Variants in DENND1A observed in about 807,000 individuals in gnomAD.
DENND1A encodes the protein DENN domain containing 1A, also known as DENN domain-containing protein 1A.
In DENND1A, 51 loss-of-function variants were observed where a neutral mutation model predicts 113.7. The ratio of observed to expected loss-of-function variants is 0.45; its 90% confidence interval spans 0.36 to 0.57. DENND1A has a LOEUF of 0.57. Among genes scored for constraint, DENND1A ranks in the 20% least tolerant of loss-of-function variants. DENND1A has a pLI of 0.00. For missense variants in DENND1A, 1,258 were observed against 1,395.9 expected (o/e 0.90, Z 1.57); for synonymous variants, 565 against 570.8 (o/e 0.99, Z 0.14).
chr9:123,892,066 GCA>G (rs1849992639), intron 1 of DENND1A, among the ~76,000 whole-genome samples: 1 of 152,146 alleles, frequency 6.6e-6, no homozygotes, highest in African/African-American at 2.4e-5. Flanking sequence ...GAAGAGAGCT[GCA>G]CAGAGAAAGA....
In DENND1A at chr9:123,857,895, T is replaced by C. The variant is rs185684036; in HGVS notation, c.88+21056A>G. Among the ~76,000 whole-genome samples the C allele has an allele frequency of 4.7e-3, 710 of 151,726 alleles. 5 individuals are homozygous for C. The highest frequency in any genetic ancestry group is 0.017 in the African/African-American group (686 of 41,418). ...TAACACAGTGAAACCCCATCTCTACTAAAAATACAAAAAATTAGCTGGGCG... is the reference window on the plus strand; with the variant it reads ...TAACACAGTGAAACCCCATCTCTACCAAAAATACAAAAAATTAGCTGGGCG... On this transcript the variant is annotated intron_variant, in intron 2 of 23. Transcript: ENST00000394215.
At position 123,930,112 on chromosome 9, in the gene DENND1A, G is replaced by C. The variant is rs1261507213; in HGVS notation, c.-207C>G. 2 of 193,624 alleles carry C rather than the reference G, an allele frequency of 1.0e-5. No individual in the cohort carries two copies. The highest frequency in any genetic ancestry group is 2.1e-5 in the Non-Finnish European group (2 of 96,452). The allele number at this position is 193,624 out of a possible 1,614,324, so 12.0% of individuals were successfully genotyped here. A position where few individuals can be genotyped will look rare whatever the true frequency, so the allele number is the denominator to read the frequency against. ...TCGCTCCAGCCCGGCGAACGCCATG[G>C]TCGCCGGCGCGCGTGCCCGGCGCGC... On this transcript the variant is annotated 5_prime_UTR_variant, in exon 1 of 24. Transcript: ENST00000394215.
chr9:123,533,244 G>T (rs1482270768), intron 13 of DENND1A, among the ~76,000 whole-genome samples: 1 of 152,252 alleles, frequency 6.6e-6, no homozygotes, highest in East Asian at 1.9e-4. Context: ...AGGTGCTCAA[G>T]ATATGTTTCG....
intron 13 of DENND1A, among the ~76,000 whole-genome samples, chr9:123,556,092 A>AAGTCTCAAAGT (rs1436803725): frequency 6.6e-6 from 1 of 152,190 alleles, no homozygotes; most frequent in African/African-American, 2.4e-5. Flanking sequence ...TGTCACTTTG[A>AAGTCTCAAAGT]GACTAGCAGG....
rs569220767 is a variant in DENND1A at position 123,910,436 on chromosome 9, G to A, written c.17+19453C>T. 2.0e-5 allele frequency among the ~76,000 whole-genome samples: 3 copies of A among 152,290 alleles called. No homozygotes were observed. In the South Asian group the frequency reaches 6.2e-4, roughly 32 times the overall value. Reference sequence around the variant, plus strand: ...GGGAAGAAAAGGAATTAACCTTGATGTATAACTTATATCATACATAAAAAT... The same window carrying A: ...GGGAAGAAAAGGAATTAACCTTGATATATAACTTATATCATACATAAAAAT... On this transcript the variant is annotated intron_variant, in intron 1 of 23. Coordinates refer to ENST00000394215, the MANE Select transcript of DENND1A (RefSeq NM_001352964.2).
rs144266208 is a variant in DENND1A, at chr9:123,570,680, T to C, written c.867+12489A>G. On this transcript the variant is annotated intron_variant, in intron 12 of 23. Transcript: ENST00000394215. ...TAGTAGGTGCTCAGGAAATGCCTGCTGAATGAATAAACACTCTATCAGAAA... is the reference window on the plus strand; with the variant it reads ...TAGTAGGTGCTCAGGAAATGCCTGCCGAATGAATAAACACTCTATCAGAAA... Among the ~76,000 whole-genome samples, 19 of 152,322 alleles carry C rather than the reference T, an allele frequency of 1.2e-4. No homozygotes were observed. In the East Asian group the frequency reaches 3.5e-3, roughly 28 times the overall value.
chr9:123,868,315 T>C (rs1406346160), intron 2 of DENND1A, among the ~76,000 whole-genome samples: 1 of 152,234 alleles, frequency 6.6e-6, no homozygotes, highest in African/African-American at 2.4e-5. Flanking sequence ...ATCTACTTTG[T>C]CTAGTTACTT....
chr9:123,388,360 G>A (rs374688247), intron 21 of DENND1A, among the ~76,000 whole-genome samples: 165 of 152,296 alleles, frequency 1.1e-3, no homozygotes, highest in African/African-American at 3.7e-3. Context: ...ATGGCTAAAC[G>A]TCAATAACAG....
Position 123,403,414 on chromosome 9 carries a change from G to T in DENND1A, c.1619C>A (p.Pro540Gln), listed in dbSNP as rs767519626. The T allele has an allele frequency of 1.9e-6, 3 of 1,614,132 alleles. 1 individual carries two copies. In the African/African-American group the frequency reaches 4.0e-5, roughly 22 times the overall value. Reference sequence around the variant, plus strand: ...GCACAATACTCACTGCTCAGGGCTCGGCACAGACGTCCTCCGGCCTTCCAC... The same window carrying T: ...GCACAATACTCACTGCTCAGGGCTCTGCACAGACGTCCTCCGGCCTTCCAC... The part of the protein sequence containing the change: ...IAVEGRRTSV[P>Q]SPEHLVKPLR... The change falls in exon 21 of 24, where the codon CCG (proline) becomes CAG (glutamine). Residue 540 changes from proline (P) to glutamine (Q), a missense_variant. Pro to Gln is a moderately conservative substitution (Grantham distance 76, BLOSUM62 -1). Transcript: ENST00000394215.
chr9:123,689,944 G>C (rs544727362), intron 5 of DENND1A, among the ~76,000 whole-genome samples: 1 of 151,252 alleles, frequency 6.6e-6, no homozygotes, highest in Non-Finnish European at 1.5e-5. Context: ...AGCCAAGATC[G>C]CGCCACTGTA....
intron 13 of DENND1A, among the ~76,000 whole-genome samples, chr9:123,557,129 G>A (rs956050886): frequency 1.8e-4 from 27 of 152,232 alleles, no homozygotes; most frequent in East Asian, 7.7e-4. Context: ...CAGGGGTGGC[G>A]AGGCCCAGTG....
chr9:123,496,790 G>A (rs140589060), intron 13 of DENND1A, among the ~76,000 whole-genome samples: 2 of 152,346 alleles, frequency 1.3e-5, no homozygotes, highest in African/African-American at 4.8e-5. Flanking sequence ...GCTGGTACAC[G>A]TAGGGGGAAA....
intron 5 of DENND1A, among the ~76,000 whole-genome samples, chr9:123,712,754 A>C (rs150442842): frequency 6.6e-6 from 1 of 152,374 alleles, no homozygotes; most frequent in Non-Finnish European, 1.5e-5. Flanking sequence ...ATGTGAAAAG[A>C]CTTAAGTAAC....
intron 13 of DENND1A, among the ~76,000 whole-genome samples, chr9:123,491,061 G>A (rs943644811): frequency 2.6e-5 from 4 of 152,236 alleles, no homozygotes; most frequent in African/African-American, 7.2e-5. Flanking sequence ...GAGTGAGAAC[G>A]GTTAGTGGAA....
At chr9:123,694,675 AC>A (rs1235242950) in intron 5 of DENND1A, among the ~76,000 whole-genome samples, 1 of 152,176 alleles carries the variant, frequency 6.6e-6, no homozygotes, top group Non-Finnish European at 1.5e-5. Flanking sequence ...TTGTCCTAAA[AC>A]ATCAAAATCT....
chr9:123,469,229 C>G (rs1470282522), intron 13 of DENND1A, among the ~76,000 whole-genome samples: 3 of 152,264 alleles, frequency 2.0e-5, no homozygotes, highest in Non-Finnish European at 4.4e-5. Context: ...GTCTGGGCCC[C>G]TGTCACTATA....
At chr9:123,703,904 C>T (rs2066026502) in intron 5 of DENND1A, among the ~76,000 whole-genome samples, 1 of 152,118 alleles carries the variant, frequency 6.6e-6, no homozygotes, top group South Asian at 2.1e-4. Flanking sequence ...CATCTGTATA[C>T]ATTTGTCAAA....
chr9:123,381,702 C>T lies in DENND1A; in HGVS notation c.2943G>A (p.Arg981=), dbSNP rs370911229. Residue 981 remains arginine, a synonymous_variant, in exon 24 of 24, where the codon AGG becomes AGA. Coordinates refer to ENST00000394215, the MANE Select transcript of DENND1A (RefSeq NM_001352964.2). The surrounding 1 kb of genome is among the most constrained non-coding windows in gnomAD (Gnocchi z 4.7). ...AGCGGGCCAGGGGCAACGTTCGGAT[C>T]CTCGACGGGGCAACTGCTGGGGGAC... is the stretch of plus-strand genomic sequence containing the variant. ...PLGPPAVAPS[R]IRTLPLARSS... is the part of the protein sequence containing the mutation. 32 of 1,553,268 alleles carry T rather than the reference C, an allele frequency of 2.1e-5. No homozygotes were observed. The South Asian group carries it at 3.7e-4, about 18-fold the overall frequency.
At chr9:123,619,369 T>C (rs936825753) in intron 10 of DENND1A, among the ~76,000 whole-genome samples, 1 of 152,194 alleles carries the variant, frequency 6.6e-6, no homozygotes, top group Admixed American at 6.5e-5. Context: ...GATTAGATAG[T>C]TGGAATAGAC....
Sources: allele counts gnomAD v4.1 joint callset (sites outside exome capture counted in the v4.1 genomes callset), GRCh38; gene constraint gnomAD v4.1.1; non-coding constraint Gnocchi (gnomAD v3.1); transcripts MANE v1.5; gene names NCBI Gene and HGNC (gene_info 2026-07-23, HGNC 2026-07-21).